The following USP24 variants were observed in gnomAD, a reference collection of about 807,000 sequenced individuals.
USP24 encodes the protein ubiquitin carboxyl-terminal hydrolase 24.
In USP24, 97 loss-of-function variants were observed where a neutral mutation model predicts 361.6. The observed-to-expected ratio is 0.27, with a 90% confidence interval of 0.23 to 0.32. USP24 has a LOEUF of 0.32. Among genes scored for constraint, USP24 ranks in the 10% least tolerant of loss-of-function variants. The pLI, the probability that USP24 is intolerant of heterozygous loss-of-function variation, is 1.00. For missense variants in USP24, 2,353 were observed against 3,165.6 expected, an observed-to-expected ratio of 0.74 and a Z score of 6.16; for synonymous variants, 1,098 against 1,124.6, an observed-to-expected ratio of 0.98 and a Z score of 0.47.
intron 1 of USP24, among the ~76,000 whole-genome samples, chr1:55,207,060 G>A (rs1012376232): frequency 2.0e-5 from 3 of 152,152 alleles, no homozygotes; most frequent in East Asian, 1.9e-4. Flanking sequence ...GAGAGGCTGC[G>A]GTGGGGAGAA....
chr1:55,159,101 A>G, intron 9 of USP24, 65 bp from the exon 10 acceptor site: 1 of 1,292,950 alleles, frequency 7.7e-7, no homozygotes, highest in Non-Finnish European at 1.0e-6. Context: ...CCCAATTCTT[A>G]TAACATACAC....
At chr1:55,118,795 T>C (rs532281099) in intron 38 of USP24, among the ~76,000 whole-genome samples, 1 of 152,320 alleles carries the variant, frequency 6.6e-6, no homozygotes, top group South Asian at 2.1e-4. Flanking sequence ...AACATGCACA[T>C]GATGAGACGC....
chr1:55,137,468 G>A, intron 28 of USP24, 47 bp downstream of exon 28: 2 of 1,580,340 alleles, frequency 1.3e-6, no homozygotes, highest in Non-Finnish European at 1.7e-6. Context: ...CAAAAAGACA[G>A]TGACTGTTAA....
Position 55,068,253 on chromosome 1 carries a change from A to G in USP24, c.*792T>C, listed in dbSNP as rs1310351100. 2.6e-5 allele frequency: 4 copies of G among 152,250 alleles called. No individual in the cohort carries two copies. Among genetic ancestry groups the G allele is most frequent in the Admixed American group, 6.5e-5 (1 of 15,290 alleles). The allele number at this position is 152,250 out of a possible 1,614,324, so 9.4% of individuals were successfully genotyped here. A position where few individuals can be genotyped will look rare whatever the true frequency, so the allele number is the denominator to read the frequency against. The stretch of plus-strand genomic sequence containing the variant: ...AAAGTGCTTTTATTTTGCTGTTTTT[A>G]AAATCTGTTTGGGGAACAACTCATA... On this transcript the variant is annotated 3_prime_UTR_variant, in exon 68 of 68. Coordinates refer to ENST00000294383, the MANE Select transcript of USP24 (RefSeq NM_015306.3).
Position 55,089,745 on chromosome 1 carries a change from A to G in USP24, c.6555-5T>C. 1 of 1,570,550 alleles carries G rather than the reference A, an allele frequency of 6.4e-7. No homozygotes were observed. Among genetic ancestry groups the G allele is most frequent in the East Asian group, 2.3e-5 (1 of 43,746 alleles). On this transcript the variant is annotated splice_polypyrimidine_tract_variant and splice_region_variant and intron_variant, in intron 54 of 67. Transcript: ENST00000294383. ...ATCCATTCTTCAGTATCAACCCTTTAAAAAAAAGCAGATACAGCAATGTTA... is the reference window on the plus strand; with the variant it reads ...ATCCATTCTTCAGTATCAACCCTTTGAAAAAAAGCAGATACAGCAATGTTA...
intron 38 of USP24, 54 bp from the exon 39 acceptor site, chr1:55,110,300 A>G: frequency 7.1e-7 from 1 of 1,416,804 alleles, no homozygotes; most frequent in African/African-American, 1.5e-5. Context: ...GAAAATAAAA[A>G]GCATTTTCCT....
intron 55 of USP24, among the ~76,000 whole-genome samples, chr1:55,087,946 A>G (rs1645288424): frequency 6.6e-6 from 1 of 152,244 alleles, no homozygotes; most frequent in Admixed American, 6.5e-5. Flanking sequence ...GCAGGAAAAT[A>G]AGCTCGGCAG....
chr1:55,121,812 C>A lies in USP24; in HGVS notation c.4277-306G>T, dbSNP rs181940551. Among the ~76,000 whole-genome samples the A allele has an allele frequency of 3.3e-5, 5 of 152,242 alleles. No homozygotes were observed. In the East Asian group the frequency reaches 7.7e-4, roughly 23 times the overall value. On this transcript the variant is annotated intron_variant, in intron 36 of 67. Transcript: ENST00000294383. ...AATAGTTGCAAACTATAAAATATAC[C>A]TTAAAATAAACTTACAAATGATAAC...
chr1:55,123,739 A>G (rs2100607881), intron 35 of USP24, 137 bp from the exon 36 acceptor site: 1 of 867,704 alleles, frequency 1.2e-6, no homozygotes, highest in South Asian at 2.8e-5. Flanking sequence ...GAAGCAAGAG[A>G]GATTTAATAC....
At chr1:55,120,072 G>A (rs1252595436) in intron 38 of USP24, among the ~76,000 whole-genome samples, 1 of 152,126 alleles carries the variant, frequency 6.6e-6, no homozygotes, top group Non-Finnish European at 1.5e-5. Context: ...TCCTATCCTG[G>A]GACTAGACTG....
intron 38 of USP24, 106 bp from the exon 39 acceptor site, chr1:55,110,352 G>T: frequency 1.1e-6 from 1 of 932,842 alleles, no homozygotes. Context: ...AGATAATTTT[G>T]GTAAGCATAA....
chr1:55,189,484 T>A (rs566814283), intron 1 of USP24, among the ~76,000 whole-genome samples: 2 of 152,326 alleles, frequency 1.3e-5, no homozygotes, highest in South Asian at 4.1e-4. Flanking sequence ...AAAGGCCGCA[T>A]ATTGTATCAT....
chr1:55,147,427 A>T (rs1172517147), intron 18 of USP24, among the ~76,000 whole-genome samples: 4 of 152,230 alleles, frequency 2.6e-5, no homozygotes, highest in African/African-American at 9.6e-5. Flanking sequence ...CCACTGAATT[A>T]GCAATTATTA....
At chr1:55,088,372 C>T (rs1008395958) in intron 55 of USP24, among the ~76,000 whole-genome samples, 1 of 152,046 alleles carries the variant, frequency 6.6e-6, no homozygotes, top group African/African-American at 2.4e-5. Context: ...GAAAACAGAG[C>T]ATATTTGTAT....
chr1:55,190,728 T>C (rs1644264239), intron 1 of USP24, among the ~76,000 whole-genome samples: 2 of 152,134 alleles, frequency 1.3e-5, no homozygotes, highest in Non-Finnish European at 1.5e-5. Context: ...ATTCTTGTCT[T>C]TAAAGAAAAG....
intron 1 of USP24, 67 bp from the exon 2 acceptor site, chr1:55,178,199 T>C (rs1215950194): frequency 7.2e-6 from 11 of 1,518,330 alleles, no homozygotes; most frequent in Admixed American, 4.0e-5. Flanking sequence ...AAATTTCCTA[T>C]GTAACACAGA....
At position 55,072,305 on chromosome 1, in the gene USP24, G is replaced by C. The variant is rs375732581; in HGVS notation, c.7689+12C>G. The C allele has an allele frequency of 1.5e-5, 24 of 1,611,156 alleles. No homozygotes were observed. Among genetic ancestry groups the C allele is most frequent in the East Asian group, 2.2e-5 (1 of 44,852 alleles). On this transcript the variant is annotated intron_variant, in intron 66 of 67. Coordinates refer to ENST00000294383, the MANE Select transcript of USP24 (RefSeq NM_015306.3). ...TGATTTAGACCACGCAAAAACAAGA[G>C]ACAACTCTCACCTGAGCTGAAATGG...
At chr1:55,082,461 A>G (rs1479612312) in intron 58 of USP24, among the ~76,000 whole-genome samples, 1 of 152,218 alleles carries the variant, frequency 6.6e-6, no homozygotes, top group Non-Finnish European at 1.5e-5. Flanking sequence ...AATACGATGG[A>G]TGGGAGAAAC....
intron 37 of USP24, among the ~76,000 whole-genome samples, chr1:55,121,185 A>T (rs1646270287): frequency 6.6e-6 from 1 of 152,228 alleles, no homozygotes; most frequent in South Asian, 2.1e-4. Flanking sequence ...ACTGGTTGTA[A>T]CGTTGTTATA....
Sources: allele counts gnomAD v4.1 joint callset (sites outside exome capture counted in the v4.1 genomes callset), GRCh38; gene constraint gnomAD v4.1.1; transcripts MANE v1.5; gene names NCBI Gene and HGNC (gene_info 2026-07-23, HGNC 2026-07-21).